Variants in TNRC6C observed in about 807,000 individuals in gnomAD.
TNRC6C encodes trinucleotide repeat containing adaptor 6C, also known as trinucleotide repeat-containing gene 6C protein.
Under a neutral mutation model 153.7 loss-of-function variants are expected in TNRC6C, and 20 were observed. The ratio of observed to expected loss-of-function variants is 0.13; its 90% CI spans 0.09 to 0.19. The LOEUF is 0.19. TNRC6C is among the 10% of genes least tolerant of loss of function. The probability of loss-of-function intolerance (pLI) is 1.00; values close to 1 mark genes in which losing one functional copy is unlikely to be tolerated. For synonymous variants in TNRC6C, 811 were observed against 841.4 expected (o/e 0.96, Z 0.63); for missense variants, 1,987 against 2,172.0 (o/e 0.91, Z 1.69).
intron 1 of TNRC6C, among the ~76,000 whole-genome samples, chr17:78,017,721 G>A (rs1224269733): frequency 1.3e-5 from 2 of 152,196 alleles, no homozygotes; most frequent in Non-Finnish European, 2.9e-5. Flanking sequence ...TCCTTCCAGG[G>A]TCTCTGCCTA....
chr17:78,004,842 A>G (rs1320049739), upstream of TNRC6C, among the ~76,000 whole-genome samples: 1 of 152,174 alleles, frequency 6.6e-6, no homozygotes, highest in Non-Finnish European at 1.5e-5. Flanking sequence ...TGAGCTCCAG[A>G]TAGAATTTTT....
intron 1 of TNRC6C, among the ~76,000 whole-genome samples, chr17:78,013,223 G>A (rs9899626): frequency 0.026 from 4,019 of 152,310 alleles, 174 homozygotes; most frequent in African/African-American, 0.089. Flanking sequence ...TTCTGGACCA[G>A]AGAGGGAGCC....
intron 6 of TNRC6C, 76 bp from the exon 9 acceptor site, chr17:78,072,961 A>G: frequency 9.4e-7 from 1 of 1,067,568 alleles, no homozygotes; most frequent in Admixed American, 2.2e-5. Flanking sequence ...CTTTAAGTTG[A>G]TAGTGATTAA....
intron 13 of TNRC6C, 98 bp from the exon 16 acceptor site, chr17:78,091,340 AAT>A: frequency 7.6e-7 from 1 of 1,320,394 alleles, no homozygotes; most frequent in Non-Finnish European, 9.8e-7. Flanking sequence ...AAAAAAAAAA[AAT>A]TTGCTGTAAG....
intron 1 of TNRC6C, among the ~76,000 whole-genome samples, chr17:77,984,826 A>ATG (rs1555626420): frequency 3.4e-5 from 5 of 148,522 alleles, no homozygotes; most frequent in Admixed American, 2.6e-4. Context: ...AGCCTCTTAT[A>ATG]CGCACACACA....
chr17:78,107,907 A>G (rs1321895585), exon 20 of TNRC6C: 3 of 152,174 alleles, frequency 2.0e-5, no homozygotes, highest in Non-Finnish European at 4.4e-5. Context: ...TTATGCATCT[A>G]TTTTTGTAAA....
intron 1 of TNRC6C, among the ~76,000 whole-genome samples, chr17:78,006,829 T>A (rs981838463): frequency 3.8e-4 from 51 of 132,544 alleles, no homozygotes; most frequent in Admixed American, 8.5e-4. Context: ...TATTTATTTA[T>A]TTTTTTTTTT....
intron 3 of TNRC6C, among the ~76,000 whole-genome samples, chr17:78,063,995 T>C (rs909293714): frequency 1.3e-5 from 2 of 152,228 alleles, no homozygotes; most frequent in Non-Finnish European, 2.9e-5. Context: ...TTTAATGGAC[T>C]TTTAAAGTTG....
Position 78,049,729 on chromosome 17 carries a change from C to A in TNRC6C, c.667C>A (p.Gln223Lys), listed in dbSNP as rs771440030. 6.3e-7 allele frequency: 1 copy of A among 1,594,318 alleles called. No homozygotes were observed. The highest frequency in any genetic ancestry group is 2.2e-5 in the East Asian group (1 of 44,710). Residue 223 changes from glutamine (Q) to lysine (K), a missense_variant, in exon 3 of 20, where the codon CAA (glutamine) becomes AAA (lysine). Around this residue, in one of 4 missense-constraint regions of TNRC6C, gnomAD observed 1,052 missense variants for 1,017.0 expected, o/e 1.03. Transcript: ENST00000301624. This position sits in a 1 kb window ranked among gnomAD's most constrained non-coding sequence, Gnocchi z 4.1. ...GGGGGCCATCATCCCGCCCCACCTG[C>A]AAGGCCTTCCTGGTGCTAATGGATC...
intron 1 of TNRC6C, among the ~76,000 whole-genome samples, chr17:77,981,633 GGTA>G (rs2144107113): frequency 6.6e-6 from 1 of 152,218 alleles, no homozygotes; most frequent in South Asian, 2.1e-4. Flanking sequence ...TAATATCTAG[GGTA>G]GTCCTTCTCA....
chr17:78,061,298 A>G (rs1286292308), intron 3 of TNRC6C, among the ~76,000 whole-genome samples: 1 of 152,234 alleles, frequency 6.6e-6, no homozygotes, highest in Admixed American at 6.5e-5. Context: ...AAAGATGCCA[A>G]ATTCACTCTG....
intron 1 of TNRC6C, among the ~76,000 whole-genome samples, chr17:78,006,555 C>G (rs1367631070): frequency 1.7e-5 from 1 of 58,692 alleles, no homozygotes; most frequent in Non-Finnish European, 3.4e-5. Flanking sequence ...TCTTCTTCTT[C>G]TTCTTCCTTC....
intron 1 of TNRC6C, among the ~76,000 whole-genome samples, chr17:78,017,609 G>A (rs562918668): frequency 6.6e-6 from 1 of 152,324 alleles, no homozygotes; most frequent in South Asian, 2.1e-4. Flanking sequence ...GGAGGCTCCA[G>A]GCTTCTCCTA....
At chr17:78,069,523 A>G (rs2072949285) in intron 5 of TNRC6C, among the ~76,000 whole-genome samples, 1 of 152,194 alleles carries the variant, frequency 6.6e-6, no homozygotes, top group Non-Finnish European at 1.5e-5. Context: ...AGCTGGGTCT[A>G]CAGGTGCATG....
intron 2 of TNRC6C, among the ~76,000 whole-genome samples, chr17:78,046,144 T>C (rs942184755): frequency 2.0e-5 from 3 of 152,108 alleles, no homozygotes; most frequent in African/African-American, 7.2e-5. Flanking sequence ...TTCCCATTTC[T>C]GGTTGGGTTG....
intron 10 of TNRC6C, among the ~76,000 whole-genome samples, chr17:78,080,341 G>T (rs1374884206): frequency 6.6e-6 from 1 of 152,218 alleles, no homozygotes; most frequent in East Asian, 1.9e-4. Flanking sequence ...AGCTACTTGG[G>T]AGGCTGAGGC....
At chr17:78,032,534 T>C (rs1184132185) in intron 2 of TNRC6C, among the ~76,000 whole-genome samples, 1 of 152,254 alleles carries the variant, frequency 6.6e-6, no homozygotes, top group Non-Finnish European at 1.5e-5. Context: ...GAACAAAGTA[T>C]TTGTGGTCAA....
chr17:78,065,428 G>C (rs1476068648), intron 4 of TNRC6C, among the ~76,000 whole-genome samples: 2 of 151,340 alleles, frequency 1.3e-5, no homozygotes, highest in Admixed American at 6.6e-5. Context: ...GCTTTTAAGA[G>C]ATGTCCATAC....
rs190345466 is a variant in TNRC6C at position 78,013,979 on chromosome 17, A to G, written c.-546+8900A>G. On this transcript the variant is annotated intron_variant, in intron 1 of 19. Transcript: ENST00000301624. ...TCCAAATCAGTTTGAAATAAGGCCA[A>G]TTTCTCTCCTCCTGCACCAGCCTTG... is the stretch of plus-strand genomic sequence containing the variant. Among the ~76,000 whole-genome samples, 146 of 152,268 alleles carry G rather than the reference A, an allele frequency of 9.6e-4. 1 individual carries two copies. The highest frequency in any genetic ancestry group is 3.1e-3 in the African/African-American group (129 of 41,542).
Sources: gnomAD v4.1 joint callset for allele counts (sites outside exome capture counted in the v4.1 genomes callset) on GRCh38, gnomAD v4.1.1 for gene constraint, gnomAD v4.1.1 regional missense constraint, Gnocchi (gnomAD v3.1) non-coding constraint, MANE v1.5 for transcripts, NCBI Gene and HGNC (gene_info 2026-07-23, HGNC 2026-07-21) for gene names.